DLC1: variants seen among roughly 807,000 people sequenced by gnomAD.
DLC1 encodes the protein DLC1 Rho GTPase activating protein.
In DLC1, 54 loss-of-function variants were observed where a neutral mutation model predicts 140.3. The ratio of observed to expected loss-of-function variants is 0.38; its 90% CI spans 0.31 to 0.48. The LOEUF (loss-of-function observed/expected upper bound fraction) is 0.48, where lower values mean the gene tolerates loss of function less well. Ranked by LOEUF, DLC1 falls within the 20% of genes least tolerant of loss-of-function variation. The pLI, the probability that DLC1 is intolerant of heterozygous loss-of-function variation, is 0.96. For synonymous variants in DLC1, 986 were observed against 728.1 expected, an observed-to-expected ratio of 1.35 and a Z score of -5.70; for missense variants, 2,536 against 1,907.0, an observed-to-expected ratio of 1.33 and a Z score of -6.14.
chr8:13,293,037 A>C (rs1243513794), intron 5 of DLC1, among the ~76,000 whole-genome samples: 2 of 152,182 alleles, frequency 1.3e-5, no homozygotes, highest in Non-Finnish European at 2.9e-5. Flanking sequence ...AGCCTGGGCA[A>C]CATGGTGAGA....
chr8:13,105,978 A>T (rs1317459341), intron 7 of DLC1, among the ~76,000 whole-genome samples: 2 of 152,138 alleles, frequency 1.3e-5, no homozygotes, highest in East Asian at 3.9e-4. Flanking sequence ...GCTGGGCGTA[A>T]CCCATCCGTC....
intron 4 of DLC1, chr8:13,340,530 C>G (rs1476569907): frequency 6.6e-6 from 1 of 152,168 alleles, no homozygotes; most frequent in African/African-American, 2.4e-5. Flanking sequence ...GCTGACTTTT[C>G]TCTTGCATAT....
rs1000995862 is a variant in DLC1 at position 13,420,189 on chromosome 8, A to G, written c.1024-18570T>C. Among the ~76,000 whole-genome samples, 15 of 152,160 alleles carry G rather than the reference A, an allele frequency of 9.9e-5. No homozygotes were observed. In the South Asian group the frequency reaches 1.5e-3, roughly 15 times the overall value. ...GCTCCTGGATTCATTAATTTTTTGA[A>G]GGGTTTTTTGTGTCTCTATTTCCTT... On this transcript the variant is annotated intron_variant, in intron 2 of 17. Transcript: ENST00000276297.
intron 5 of DLC1, among the ~76,000 whole-genome samples, chr8:13,282,522 C>A (rs1831399400): frequency 6.6e-6 from 1 of 152,062 alleles, no homozygotes; most frequent in Non-Finnish European, 1.5e-5. Context: ...ACTTATATTA[C>A]CTTAGCAAGA....
intron 4 of DLC1, among the ~76,000 whole-genome samples, chr8:13,377,313 A>C (rs951006681): frequency 6.6e-6 from 1 of 152,230 alleles, no homozygotes; most frequent in Non-Finnish European, 1.5e-5. Flanking sequence ...ATGTATATAA[A>C]AACTAGCCCT....
intron 2 of DLC1, among the ~76,000 whole-genome samples, chr8:13,495,948 T>C (rs1031570208): frequency 2.0e-5 from 3 of 152,222 alleles, no homozygotes; most frequent in African/African-American, 7.2e-5. Flanking sequence ...AGGATTTGAT[T>C]CAATCACATG....
At chr8:13,552,288 G>A (rs944123948) in intron 1 of DLC1, among the ~76,000 whole-genome samples, 2 of 148,750 alleles carry the variant, frequency 1.3e-5, no homozygotes, top group African/African-American at 2.5e-5. Flanking sequence ...GTAGAACTTG[G>A]AAGTGAAATA....
At chr8:13,461,037 A>T (rs1203025327) in intron 2 of DLC1, among the ~76,000 whole-genome samples, 2 of 152,128 alleles carry the variant, frequency 1.3e-5, no homozygotes, top group Non-Finnish European at 2.9e-5. Context: ...ACAGAGCAAG[A>T]CCCTGTCTTT....
intron 5 of DLC1, among the ~76,000 whole-genome samples, chr8:13,170,921 C>G (rs1423805440): frequency 2.6e-5 from 4 of 152,118 alleles, no homozygotes; most frequent in African/African-American, 7.2e-5. Context: ...CTTGCATGAT[C>G]TTGCTCAAAA....
chr8:13,154,806 T>C (rs1434974039), intron 5 of DLC1, among the ~76,000 whole-genome samples: 1 of 150,640 alleles, frequency 6.6e-6, no homozygotes, highest in Non-Finnish European at 1.5e-5. Flanking sequence ...ATATAGATGA[T>C]CAAGGAAGAA....
chr8:13,394,442 A>G lies in DLC1; in HGVS notation c.1174-749T>C, dbSNP rs146221334. ...AACTACTACATAGTGTGAGGTCAAG[A>G]CATGTCTGTTGAGTGGATAGAATTA... On this transcript the variant is annotated intron_variant, in intron 3 of 17. Transcript: ENST00000276297. 2.8e-3 allele frequency among the ~76,000 whole-genome samples: 426 copies of G among 152,260 alleles called. 2 individuals carry two copies. Among genetic ancestry groups the G allele is most frequent in the African/African-American group, 1.0e-2 (414 of 41,542 alleles).
intron 12 of DLC1, among the ~76,000 whole-genome samples, chr8:13,093,157 A>G (rs987201636): frequency 1.3e-5 from 2 of 152,158 alleles, no homozygotes; most frequent in African/African-American, 2.4e-5. Flanking sequence ...TGAAAAAAAA[A>G]AATCCCTAAT....
chr8:13,126,368 T>TACACACACACACACAC (rs3065349), intron 5 of DLC1, among the ~76,000 whole-genome samples: 1,490 of 145,574 alleles, frequency 0.01, 8 homozygotes, highest in Non-Finnish European at 0.014. Flanking sequence ...TCTCTATCCA[T>TACACACACACACACAC]ACACACACAC....
intron 5 of DLC1, among the ~76,000 whole-genome samples, chr8:13,126,896 A>G (rs769951287): frequency 5.9e-5 from 9 of 152,248 alleles, no homozygotes; most frequent in African/African-American, 9.6e-5. Flanking sequence ...AGGAACGTCT[A>G]TTAAAAAAAC....
Position 13,090,396 on chromosome 8 carries a change from G to C in DLC1, c.3930C>G (p.Leu1310=). 2 of 1,614,186 alleles carry C rather than the reference G, an allele frequency of 1.2e-6. No homozygotes were observed. Among genetic ancestry groups the C allele is most frequent in the African/African-American group, 1.3e-5 (1 of 75,046 alleles). Residue 1310 remains leucine, a synonymous_variant, in exon 15 of 18, where the codon CTC becomes CTG. Transcript: ENST00000276297. ...CTGAGTCATCATTACCCAGGTGCCC[G>C]AGTGCTTCCAGAGTGAGGGGCTTCA... The part of the protein sequence containing the change: ...QELKPLTLEA[L]GHLGNDDSAD...
At chr8:13,180,674 T>A (rs769852638) in intron 5 of DLC1, among the ~76,000 whole-genome samples, 17 of 152,150 alleles carry the variant, frequency 1.1e-4, no homozygotes, top group Non-Finnish European at 2.5e-4. Context: ...CCACTTCAAC[T>A]TCTTTATTCA....
At chr8:13,217,976 A>G (rs1044308539) in intron 5 of DLC1, among the ~76,000 whole-genome samples, 2 of 152,160 alleles carry the variant, frequency 1.3e-5, no homozygotes, top group African/African-American at 4.8e-5. Flanking sequence ...TAGCCCTTAC[A>G]TAAAATACCA....
At chr8:13,276,381 T>TG (rs1563218094) in intron 5 of DLC1, 1 of 1,516,108 alleles carries the variant, frequency 6.6e-7, no homozygotes, top group South Asian at 1.2e-5. Flanking sequence ...CGCCATCACG[T>TG]GGGCCTTGGG....
chr8:13,362,472 TG>T (rs1322539680), intron 4 of DLC1, among the ~76,000 whole-genome samples: 1 of 152,194 alleles, frequency 6.6e-6, no homozygotes, highest in Non-Finnish European at 1.5e-5. Context: ...AGGCAGTGCC[TG>T]GAATTAGAGT....
Sources: allele counts gnomAD v4.1 joint callset (sites outside exome capture counted in the v4.1 genomes callset), GRCh38; gene constraint gnomAD v4.1.1; transcripts MANE v1.5; gene names NCBI Gene and HGNC (gene_info 2026-07-23, HGNC 2026-07-21).